NKTR: variants seen among roughly 807,000 people sequenced by gnomAD.
NKTR encodes NK-tumor recognition protein.
Under a neutral mutation model 156.3 loss-of-function variants are expected in NKTR, and 67 were observed. The ratio of observed to expected loss-of-function variants is 0.43; its 90% CI spans 0.35 to 0.53. NKTR has a LOEUF of 0.53. NKTR is among the 20% of genes least tolerant of loss of function. The pLI is 0.01. For synonymous variants in NKTR, 640 were observed against 596.6 expected (o/e 1.07, Z -1.06); for missense variants, 1,604 against 1,730.9 (o/e 0.93, Z 1.30).
rs1709079921 is a variant in NKTR at position 42,633,291 on chromosome 3, C to T, written c.774-289C>T. On this transcript the variant is annotated intron_variant, in intron 9 of 16. Coordinates refer to ENST00000232978, the MANE Select transcript of NKTR (RefSeq NM_005385.4). ...TCCTGTCCTCAAGCAATCCTCCCAC[C>T]TAAGACCCCTAAAGTACTGGGATTA... 1.5e-5 allele frequency: 14 copies of T among 963,240 alleles called. No homozygotes were observed. The South Asian group carries it at 2.9e-4, about 20-fold the overall frequency. 59.7% of individuals were successfully genotyped at this position (963,240 alleles called of 1,614,324 possible).
chr3:42,614,308 A>C (rs1707135163), intron 2 of NKTR, among the ~76,000 whole-genome samples: 1 of 152,060 alleles, frequency 6.6e-6, no homozygotes, highest in Non-Finnish European at 1.5e-5. Context: ...ACGCAAATTC[A>C]TTCCAAGTCT....
At chr3:42,604,870 A>G (rs952786461) in intron 2 of NKTR, among the ~76,000 whole-genome samples, 2 of 150,828 alleles carry the variant, frequency 1.3e-5, no homozygotes, top group Non-Finnish European at 3.0e-5. Flanking sequence ...TTGTATTTTT[A>G]GTAGAGACAG....
intron 2 of NKTR, among the ~76,000 whole-genome samples, chr3:42,612,725 A>G (rs527647256): frequency 9.2e-5 from 14 of 152,292 alleles, no homozygotes; most frequent in African/African-American, 3.4e-4. Flanking sequence ...TTCCTTAAAA[A>G]TGGTAGACTG....
rs753219634 is a variant in NKTR, at chr3:42,636,876, A to G, written c.1172A>G (p.Asp391Gly). Residue 391 changes from aspartate to glycine, a missense_variant, in exon 13 of 17, where the codon GAC becomes GGC. Coordinates refer to ENST00000232978, the MANE Select transcript of NKTR (RefSeq NM_005385.4). ...EKWSKGDKLS[D>G]PCSSRWDERS... ...TTATGTCCTTTCTATAGGTTAAGTGACCCCTGTTCAAGCCGATGGGATGAA... is the reference window on the plus strand; with the variant it reads ...TTATGTCCTTTCTATAGGTTAAGTGGCCCCTGTTCAAGCCGATGGGATGAA... The G allele has an allele frequency of 1.9e-6, 3 of 1,561,304 alleles. No homozygotes were observed. Among genetic ancestry groups the G allele is most frequent in the East Asian group, 2.2e-5 (1 of 44,530 alleles).
Position 42,630,314 on chromosome 3 carries a change from T to G in NKTR, c.375-232T>G, listed in dbSNP as rs541292996. 87 of 1,359,808 alleles carry G rather than the reference T, an allele frequency of 6.4e-5. No homozygotes were observed. In the African/African-American group the frequency reaches 1.3e-3, roughly 20 times the overall value. 84.2% of individuals were successfully genotyped at this position (1,359,808 alleles called of 1,614,324 possible). A position where few individuals can be genotyped will look rare whatever the true frequency, so the allele number is the denominator to read the frequency against. On this transcript the variant is annotated intron_variant, in intron 6 of 16. Coordinates refer to ENST00000232978, the MANE Select transcript of NKTR (RefSeq NM_005385.4). ...ATTTCATATGTATGCATACATATAG[T>G]CTAATAGAGATGATTGTAATTCATT... is the stretch of plus-strand genomic sequence containing the variant.
chr3:42,637,594 T>C lies in NKTR; in HGVS notation c.1890T>C (p.Tyr630=), dbSNP rs565931105. Residue 630 remains tyrosine, a synonymous_variant, in exon 13 of 17, where the codon TAT becomes TAC. Coordinates refer to ENST00000232978, the MANE Select transcript of NKTR (RefSeq NM_005385.4). The part of the protein sequence containing the change: ...KPGQKPWKPS[Y]ERIQEMKAKT... ...GACAGAAACCTTGGAAGCCCTCTTA[T>C]GAGCGAATTCAGGAAATGAAAGCTA... is the stretch of plus-strand genomic sequence containing the variant. The C allele has an allele frequency of 1.2e-6, 2 of 1,610,582 alleles. No individual in the cohort carries two copies. The highest frequency in any genetic ancestry group is 2.2e-5 in the East Asian group (1 of 44,872).
At chr3:42,608,334 G>A (rs1412568620) in intron 2 of NKTR, among the ~76,000 whole-genome samples, 1 of 152,054 alleles carries the variant, frequency 6.6e-6, no homozygotes, top group Non-Finnish European at 1.5e-5. Flanking sequence ...CCCCTGCTCA[G>A]CTTCAGTAAT....
At chr3:42,605,836 A>T (rs1482127549) in intron 2 of NKTR, among the ~76,000 whole-genome samples, 1 of 152,198 alleles carries the variant, frequency 6.6e-6, no homozygotes, top group Non-Finnish European at 1.5e-5. Context: ...ATAGGACTCC[A>T]GTGTAATAGT....
chr3:42,645,545 G>C (rs539435418), intron 16 of NKTR, among the ~76,000 whole-genome samples: 1 of 152,216 alleles, frequency 6.6e-6, no homozygotes, highest in African/African-American at 2.4e-5. Flanking sequence ...TTAGCTGGGC[G>C]TGGTGGCGGG....
chr3:42,642,903 G>A (rs1004184961), intron 14 of NKTR, among the ~76,000 whole-genome samples: 3 of 152,194 alleles, frequency 2.0e-5, no homozygotes, highest in East Asian at 3.8e-4. Flanking sequence ...CTTGACATGG[G>A]TTAGAGATTG....
rs562394914 is a variant in NKTR, at chr3:42,617,765, A to G, written c.133+121A>G. ...AAATTAGTTTTGTGAATTAAAAAAAAAAAAGAGTTACTTATACTGACTTTT... is the reference window on the plus strand; with the variant it reads ...AAATTAGTTTTGTGAATTAAAAAAAGAAAAGAGTTACTTATACTGACTTTT... On this transcript the variant is annotated intron_variant, in intron 3 of 16. Coordinates refer to ENST00000232978, the MANE Select transcript of NKTR (RefSeq NM_005385.4). 9 of 579,174 alleles carry G rather than the reference A, an allele frequency of 1.6e-5. No individual in the cohort carries two copies. The South Asian group carries it at 1.8e-4, about 11-fold the overall frequency. 35.9% of individuals were successfully genotyped at this position (579,174 alleles called of 1,614,324 possible).
chr3:42,637,514 A>G lies in NKTR; in HGVS notation c.1810A>G (p.Asn604Asp). ...AGTAGTACAACCAGTTGTAGCAGAAAATATTCCTGTAATACCACTGAGTGA... is the reference window on the plus strand; with the variant it reads ...AGTAGTACAACCAGTTGTAGCAGAAGATATTCCTGTAATACCACTGAGTGA... ...NVVVQPVVAE[N>D]IPVIPLSDSP... The change falls in exon 13 of 17, where the codon AAT becomes GAT. Residue 604 changes from asparagine to aspartate, a missense_variant. Around this residue, in one of 6 missense-constraint regions of NKTR, gnomAD observed 1,255 missense variants for 1,243.7 expected, o/e 1.01. Coordinates refer to ENST00000232978, the MANE Select transcript of NKTR (RefSeq NM_005385.4). 1.2e-6 allele frequency: 2 copies of G among 1,614,100 alleles called. No homozygotes were observed. Among genetic ancestry groups the G allele is most frequent in the South Asian group, 1.1e-5 (1 of 91,064 alleles).
At chr3:42,624,644 C>G (rs1169704487) in intron 6 of NKTR, among the ~76,000 whole-genome samples, 4 of 151,996 alleles carry the variant, frequency 2.6e-5, no homozygotes, top group African/African-American at 4.8e-5. Flanking sequence ...AAAAAGAATG[C>G]TGCATACTTA....
At chr3:42,630,738 C>T in intron 7 of NKTR, 163 bp downstream of exon 7, 1 of 1,426,194 alleles carries the variant, frequency 7.0e-7, no homozygotes. Context: ...TTTTGAGACC[C>T]CATGGCTCTC....
At chr3:42,619,730 T>C in intron 5 of NKTR, 22 bp downstream of exon 5, 2 of 1,608,046 alleles carry the variant, frequency 1.2e-6, no homozygotes, top group Non-Finnish European at 1.7e-6. Context: ...TATTTTACGG[T>C]CTTTTGTTTC....
chr3:42,625,435 G>A (rs988818024), intron 6 of NKTR, among the ~76,000 whole-genome samples: 8 of 145,332 alleles, frequency 5.5e-5, no homozygotes, highest in Non-Finnish European at 7.5e-5. Flanking sequence ...ATGGGGGGGC[G>A]GGGCATAAGT....
intron 13 of NKTR, 66 bp from the exon 14 acceptor site, chr3:42,642,435 G>C: frequency 8.2e-7 from 1 of 1,219,324 alleles, no homozygotes; most frequent in South Asian, 1.2e-5. Context: ...TGCCCTACCA[G>C]TAATTAATTT....
chr3:42,618,085 T>C (rs1707556690), intron 3 of NKTR, among the ~76,000 whole-genome samples: 1 of 152,032 alleles, frequency 6.6e-6, no homozygotes, highest in Admixed American at 6.6e-5. Context: ...GTGCGGTGGC[T>C]CAAGCCTGTA....
At chr3:42,624,089 A>T in intron 6 of NKTR, among the ~76,000 whole-genome samples, 1 of 152,046 alleles carries the variant, frequency 6.6e-6, no homozygotes, top group East Asian at 1.9e-4. Context: ...CCTTAGGCAT[A>T]TGTCATTTTT....
Sources: allele counts gnomAD v4.1 joint callset (sites outside exome capture counted in the v4.1 genomes callset), GRCh38; gene constraint gnomAD v4.1.1; regional missense constraint gnomAD v4.1.1; transcripts MANE v1.5; gene names NCBI Gene and HGNC (gene_info 2026-07-23, HGNC 2026-07-21).